TBC1D14: variants seen among roughly 807,000 people sequenced by gnomAD.
The protein encoded by TBC1D14 is TBC1 domain family, member 14.
Under a neutral mutation model 79.0 loss-of-function variants are expected in TBC1D14, and 26 were observed. The ratio of observed to expected loss-of-function variants is 0.33; its 90% CI spans 0.24 to 0.46. The LOEUF (loss-of-function observed/expected upper bound fraction) is 0.46. Among genes scored for constraint, TBC1D14 ranks in the 20% least tolerant of loss-of-function variants. The probability of loss-of-function intolerance (pLI) is 1.00; values close to 1 mark genes in which losing one functional copy is unlikely to be tolerated. For synonymous variants in TBC1D14, 394 were observed against 349.9 expected (o/e 1.13, Z -1.40); for missense variants, 769 against 887.6 (o/e 0.87, Z 1.70).
intron 1 of TBC1D14, among the ~76,000 whole-genome samples, chr4:6,917,238 T>C (rs1723478453): frequency 1.3e-5 from 2 of 152,334 alleles, no homozygotes; most frequent in South Asian, 4.1e-4. Flanking sequence ...TGGTAGTAAT[T>C]AATTCAGCGA....
rs370783951 is a variant in TBC1D14 at position 7,008,442 on chromosome 4, C to T, written c.1447-1435C>T. On this transcript the variant is annotated intron_variant, in intron 9 of 13. Transcript: ENST00000409757. ...TTTTTTCTTTTTTGAGACAGAGTTT[C>T]GCTCTTGTTGCCCAGGCTGGAGTGG... Among the ~76,000 whole-genome samples, 56 of 152,282 alleles carry T rather than the reference C, an allele frequency of 3.7e-4. 1 individual carries two copies. Among genetic ancestry groups the T allele is most frequent in the South Asian group, 2.1e-3 (10 of 4,830 alleles).
intron 1 of TBC1D14, among the ~76,000 whole-genome samples, chr4:6,910,948 G>T (rs75895377): frequency 9.2e-5 from 14 of 152,244 alleles, no homozygotes; most frequent in African/African-American, 3.4e-4. Flanking sequence ...GGTGTCTTGG[G>T]GACAAAATGC....
upstream of TBC1D14, chr4:6,909,698 G>A (rs1189316552): frequency 6.6e-6 from 1 of 151,198 alleles, no homozygotes; most frequent in Non-Finnish European, 1.5e-5. Flanking sequence ...CGGCGGCACG[G>A]GCGGAAGAAC....
In TBC1D14 at chr4:6,923,496, A is replaced by G. The variant is rs764593549; in HGVS notation, c.107A>G (p.Lys36Arg). ...CAGAACCTGCAACACGTCAATCTCA[A>G]GGCGCCCCGACTCCTCTCCGCGCCT... Reference protein sequence around the residue: ...PLQNLQHVNLKAPRLLSAPEY... With the variant: ...PLQNLQHVNLRAPRLLSAPEY... Residue 36 changes from lysine (K) to arginine (R), a missense_variant, in exon 2 of 14, where the codon AAG becomes AGG. Lys to Arg is a conservative substitution (Grantham distance 26). This residue lies in a region of TBC1D14 where 402 missense variants were observed against 393.2 expected (regional missense o/e 1.02). Coordinates refer to ENST00000409757, the MANE Select transcript of TBC1D14 (RefSeq NM_020773.3). 4.3e-6 allele frequency: 7 copies of G among 1,614,146 alleles called. No homozygotes were observed. Among genetic ancestry groups the G allele is most frequent in the Non-Finnish European group, 5.9e-6 (7 of 1,180,030 alleles).
At chr4:6,951,635 C>T (rs751642906) in intron 2 of TBC1D14, among the ~76,000 whole-genome samples, 2 of 152,072 alleles carry the variant, frequency 1.3e-5, no homozygotes, top group Non-Finnish European at 2.9e-5. Context: ...TCAGAAAGTC[C>T]TTGTTGAATA....
intron 6 of TBC1D14, among the ~76,000 whole-genome samples, chr4:6,999,900 C>G (rs1178713665): frequency 6.6e-6 from 1 of 152,096 alleles, no homozygotes; most frequent in Non-Finnish European, 1.5e-5. Context: ...ATCTGAGGGG[C>G]AGCTGTGGGT....
chr4:7,013,805 G>C (rs936765422), intron 11 of TBC1D14, among the ~76,000 whole-genome samples: 1 of 151,238 alleles, frequency 6.6e-6, no homozygotes, highest in African/African-American at 2.4e-5. Context: ...GTGCAGTGGC[G>C]CAATCTCGGC....
At chr4:7,003,742 G>C (rs1384669684) in intron 7 of TBC1D14, among the ~76,000 whole-genome samples, 1 of 151,728 alleles carries the variant, frequency 6.6e-6, no homozygotes, top group Non-Finnish European at 1.5e-5. Flanking sequence ...GCTGGCGCTT[G>C]TCATCCCAGC....
At chr4:6,972,937 G>A (rs1026637294) in intron 3 of TBC1D14, among the ~76,000 whole-genome samples, 1 of 152,182 alleles carries the variant, frequency 6.6e-6, no homozygotes, top group Non-Finnish European at 1.5e-5. Flanking sequence ...CAACAGACTC[G>A]GTAACTCTTT....
intron 3 of TBC1D14, among the ~76,000 whole-genome samples, chr4:6,972,153 G>A (rs1378037139): frequency 6.6e-6 from 1 of 152,166 alleles, no homozygotes; most frequent in Non-Finnish European, 1.5e-5. Context: ...ACAGATTTGA[G>A]CCTCTGAGTA....
chr4:7,006,840 G>A (rs1443764879), intron 9 of TBC1D14, 114 bp downstream of exon 9: 25 of 819,446 alleles, frequency 3.1e-5, no homozygotes, highest in Non-Finnish European at 4.9e-5. Flanking sequence ...GGGGGTGTTA[G>A]GAGGTAGGGT....
intron 2 of TBC1D14, among the ~76,000 whole-genome samples, chr4:6,954,773 G>C (rs1013138458): frequency 6.6e-6 from 1 of 152,180 alleles, no homozygotes; most frequent in Non-Finnish European, 1.5e-5. Context: ...GCTAATTTTT[G>C]TATTTTTCTT....
At chr4:6,944,884 C>T (rs985289820) in intron 2 of TBC1D14, among the ~76,000 whole-genome samples, 1 of 152,192 alleles carries the variant, frequency 6.6e-6, no homozygotes, top group African/African-American at 2.4e-5. Flanking sequence ...GCTCCTCTCC[C>T]GTCTCCTCTG....
intron 1 of TBC1D14, among the ~76,000 whole-genome samples, chr4:6,922,301 C>A (rs1723932301): frequency 6.6e-6 from 1 of 152,118 alleles, no homozygotes; most frequent in African/African-American, 2.4e-5. Flanking sequence ...CTCACTCAAA[C>A]CTCGGAGGTT....
intron 2 of TBC1D14, among the ~76,000 whole-genome samples, chr4:6,931,310 T>C (rs1184752921): frequency 6.6e-6 from 1 of 152,240 alleles, no homozygotes; most frequent in Non-Finnish European, 1.5e-5. Context: ...ACCTCTCGAT[T>C]GCAGAATGTC....
chr4:6,919,728 C>G (rs1184387856), intron 1 of TBC1D14, among the ~76,000 whole-genome samples: 1 of 152,074 alleles, frequency 6.6e-6, no homozygotes, highest in Non-Finnish European at 1.5e-5. Flanking sequence ...TCAAGCGATT[C>G]TCCTGCCTCA....
intron 2 of TBC1D14, among the ~76,000 whole-genome samples, chr4:6,950,229 A>G (rs1451295408): frequency 6.6e-6 from 1 of 152,192 alleles, no homozygotes; most frequent in African/African-American, 2.4e-5. Flanking sequence ...TGTCCCTGCA[A>G]AGGACGTGAA....
intron 3 of TBC1D14, among the ~76,000 whole-genome samples, chr4:6,992,876 T>C (rs1718649333): frequency 6.6e-6 from 1 of 152,240 alleles, no homozygotes; most frequent in African/African-American, 2.4e-5. Context: ...AGAATTGTAA[T>C]GAAACCATGT....
At chr4:6,998,852 TC>T in intron 5 of TBC1D14, 1 of 469,770 alleles carries the variant, frequency 2.1e-6, no homozygotes, top group South Asian at 2.3e-5. Flanking sequence ...TGAATCGTAT[TC>T]TTCTTTGTGT....
Sources: gnomAD v4.1 joint callset for allele counts (sites outside exome capture counted in the v4.1 genomes callset) on GRCh38, gnomAD v4.1.1 for gene constraint, gnomAD v4.1.1 regional missense constraint, MANE v1.5 for transcripts, NCBI Gene and HGNC (gene_info 2026-07-23, HGNC 2026-07-21) for gene names.